ARNT: variants seen among roughly 807,000 people sequenced by gnomAD.
ARNT encodes aryl hydrocarbon receptor nuclear translocator.
In ARNT, 30 loss-of-function variants were observed where a neutral mutation model predicts 105.0. That is an observed-to-expected ratio of 0.29 (90% CI 0.21 to 0.39). ARNT has a LOEUF of 0.39. Ranked by LOEUF, ARNT falls within the 10% of genes least tolerant of loss-of-function variation. The probability of loss-of-function intolerance (pLI) is 1.00; values close to 1 mark genes in which losing one functional copy is unlikely to be tolerated. For missense variants in ARNT, 748 were observed against 978.7 expected, an observed-to-expected ratio of 0.76 and a Z score of 3.15; for synonymous variants, 304 against 344.0, an observed-to-expected ratio of 0.88 and a Z score of 1.29.
intron 2 of ARNT, among the ~76,000 whole-genome samples, chr1:150,855,355 C>A (rs1664390748): frequency 6.6e-6 from 1 of 151,602 alleles, no homozygotes; most frequent in African/African-American, 2.4e-5. Context: ...GAGATGGAGA[C>A]CATCCTGGCT....
At chr1:150,860,653 C>G (rs192320711) in intron 1 of ARNT, among the ~76,000 whole-genome samples, 1 of 151,984 alleles carries the variant, frequency 6.6e-6, no homozygotes, top group East Asian at 2.0e-4. Flanking sequence ...GTCAGCAGTT[C>G]GAGACCAGCC....
chr1:150,871,445 C>A (rs1003185954), intron 1 of ARNT, among the ~76,000 whole-genome samples: 6 of 150,686 alleles, frequency 4.0e-5, no homozygotes, highest in African/African-American at 1.5e-4. Context: ...GGATTACAGG[C>A]ACCTGCCACC....
Position 150,832,377 on chromosome 1 carries a change from G to A in ARNT, c.826C>T (p.Pro276Ser). The A allele has an allele frequency of 1.2e-6, 2 of 1,613,966 alleles. No homozygotes were observed. The highest frequency in any genetic ancestry group is 1.1e-5 in the South Asian group (1 of 91,078). ...RMRCGSSSVD[P>S]VSVNRLSFVR... ...AAGCTCAGCCTATTCACAGAAACTG[G>A]GTCCACAGAGCTACTGCCACACCTG... Residue 276 changes from proline to serine, a missense_variant, in exon 9 of 22, where the codon CCA becomes TCA. Coordinates refer to ENST00000358595, the MANE Select transcript of ARNT (RefSeq NM_001668.4).
chr1:150,845,763 G>A (rs914708258), intron 4 of ARNT, among the ~76,000 whole-genome samples: 1 of 151,812 alleles, frequency 6.6e-6, no homozygotes. Flanking sequence ...TTAGCTGGGC[G>A]TGGTGGCAGG....
rs587755402 is a variant in ARNT at position 150,810,066 on chromosome 1, C to T, written c.*1955G>A. The T allele has an allele frequency of 1.7e-5, 4 of 229,350 alleles. No homozygotes were observed. Among genetic ancestry groups the T allele is most frequent in the South Asian group, 1.8e-4 (1 of 5,474 alleles). The allele number at this position is 229,350 out of a possible 1,614,324, so 14.2% of individuals were successfully genotyped here. A position where few individuals can be genotyped will look rare whatever the true frequency, so the allele number is the denominator to read the frequency against. Reference sequence around the variant, plus strand: ...ATGAACTGGAAAGGAATGATAAAGCCGCAATCAAGATCACACAACACAAGA... The same window carrying T: ...ATGAACTGGAAAGGAATGATAAAGCTGCAATCAAGATCACACAACACAAGA... On this transcript the variant is annotated 3_prime_UTR_variant, in exon 22 of 22. Transcript: ENST00000358595.
rs1307512762 is a variant in ARNT, at chr1:150,817,422, T to C, written c.1517A>G (p.Gln506Arg). 5.0e-6 allele frequency: 8 copies of C among 1,614,070 alleles called. No individual in the cohort carries two copies. Among genetic ancestry groups the C allele is most frequent in the Non-Finnish European group, 6.8e-6 (8 of 1,180,032 alleles). Residue 506 changes from glutamine (Q) to arginine (R), a missense_variant, in exon 16 of 22, where the codon CAG becomes CGG. Transcript: ENST00000358595. ...SGQLAPRQQQ[Q>R]QTELDMVPGR... ...TGGTACCATGTCCAATTCTGTTTGCTGTTGCTGCTGCCTATATGTCAAAGG... is the reference window on the plus strand; with the variant it reads ...TGGTACCATGTCCAATTCTGTTTGCCGTTGCTGCTGCCTATATGTCAAAGG...
chr1:150,820,596 G>A (rs1400830314), intron 14 of ARNT, among the ~76,000 whole-genome samples: 1 of 152,168 alleles, frequency 6.6e-6, no homozygotes, highest in Non-Finnish European at 1.5e-5. Flanking sequence ...GGTTCAAGCT[G>A]CAGTGAGCCA....
At chr1:150,841,167 T>G (rs1288063372) in intron 5 of ARNT, among the ~76,000 whole-genome samples, 1 of 151,004 alleles carries the variant, frequency 6.6e-6, no homozygotes. Context: ...GGCCAGGATA[T>G]TCTCCATCTC....
At chr1:150,822,359 T>C (rs1011099858) in intron 14 of ARNT, among the ~76,000 whole-genome samples, 11 of 152,098 alleles carry the variant, frequency 7.2e-5, no homozygotes, top group African/African-American at 2.7e-4. Flanking sequence ...CAAGGTAAAA[T>C]TAGAGGGCTG....
At chr1:150,856,213 G>GCA (rs1664579655) in intron 2 of ARNT, among the ~76,000 whole-genome samples, 1 of 152,168 alleles carries the variant, frequency 6.6e-6, no homozygotes, top group African/African-American at 2.4e-5. Flanking sequence ...GCCAAGGCGG[G>GCA]TGGATCACGA....
intron 2 of ARNT, chr1:150,853,160 A>C (rs1355105428): frequency 6.4e-6 from 2 of 310,518 alleles, no homozygotes; most frequent in Non-Finnish European, 1.3e-5. Context: ...GGGTGCCTGT[A>C]ATCTCAGCTA....
chr1:150,836,342 AC>A lies in ARNT; in HGVS notation c.637del (p.Val213CysfsTer20). 6.2e-7 allele frequency: 1 copy of A among 1,614,140 alleles called. No homozygotes were observed. The highest frequency in any genetic ancestry group is 8.5e-7 in the Non-Finnish European group (1 of 1,180,024). ...AAGTTTATCCACATCATCTGGGTGCACCTGATCATAGAGTGTGCTGCCAAAC... is the reference window on the plus strand; with the variant it reads ...AAGTTTATCCACATCATCTGGGTGCACTGATCATAGAGTGTGCTGCCAAAC... Reference protein sequence around the residue: ...EWFGSTLYDQVHPDDVDKLRE... With the variant: ...EWFGSTLYDQXHPDDVDKLRE... On this transcript the variant is annotated frameshift_variant, in exon 7 of 22. Coordinates refer to ENST00000358595, the MANE Select transcript of ARNT (RefSeq NM_001668.4). LOFTEE classifies it high-confidence loss of function.
chr1:150,830,771 T>C (rs587644644), intron 10 of ARNT, among the ~76,000 whole-genome samples: 103 of 152,352 alleles, frequency 6.8e-4, no homozygotes, highest in Middle Eastern at 3.4e-3. Flanking sequence ...GGAAGAAGAC[T>C]GCATTTCTCC....
rs1021178602 is a variant in ARNT at position 150,872,829 on chromosome 1, G to A, written c.25+3714C>T. ...AATTTAAAATTAGCCAGCCACGGTG[G>A]TGCACACCTGTGGTCCCACCTACTC... On this transcript the variant is annotated intron_variant, in intron 1 of 21. Transcript: ENST00000358595. Among the ~76,000 whole-genome samples, 3 of 152,028 alleles carry A rather than the reference G, an allele frequency of 2.0e-5. No homozygotes were observed. In the East Asian group the frequency reaches 5.8e-4, roughly 29 times the overall value.
At chr1:150,830,644 C>T (rs1466267898) in intron 10 of ARNT, among the ~76,000 whole-genome samples, 2 of 152,142 alleles carry the variant, frequency 1.3e-5, no homozygotes, top group Non-Finnish European at 2.9e-5. Flanking sequence ...AAAATTTATG[C>T]TTTGCCTAAT....
In ARNT at chr1:150,811,458, G is replaced by GCACACACACA. The variant is rs58630631; in HGVS notation, c.*553_*562dup. On this transcript the variant is annotated 3_prime_UTR_variant, in exon 22 of 22. Transcript: ENST00000358595. ...GAGTGAAATACAGAAGCATGTGTGC[G>GCACACACACA]CACACACACACACACACACATACAC... The GCACACACACA allele has an allele frequency of 0.021, 4,731 of 228,918 alleles. 53 individuals carry two copies. Among genetic ancestry groups the GCACACACACA allele is most frequent in the Non-Finnish European group, 0.03 (3,515 of 115,748 alleles). The allele number at this position is 228,918 out of a possible 1,614,324, so 14.2% of individuals were successfully genotyped here. A position where few individuals can be genotyped will look rare whatever the true frequency, so the allele number is the denominator to read the frequency against.
intron 1 of ARNT, among the ~76,000 whole-genome samples, chr1:150,868,373 A>C (rs1023989839): frequency 6.6e-6 from 1 of 152,254 alleles, no homozygotes; most frequent in Non-Finnish European, 1.5e-5. Context: ...GAACAAGAGA[A>C]AGAAACAAGC....
intron 19 of ARNT, among the ~76,000 whole-genome samples, chr1:150,814,474 A>G (rs1655413603): frequency 6.6e-6 from 1 of 152,242 alleles, no homozygotes; most frequent in Non-Finnish European, 1.5e-5. Context: ...AAAAATTGTA[A>G]GAATTAAATG....
At chr1:150,848,467 A>G (rs1442751703) in intron 3 of ARNT, among the ~76,000 whole-genome samples, 1 of 152,118 alleles carries the variant, frequency 6.6e-6, no homozygotes, top group Non-Finnish European at 1.5e-5. Context: ...AAAAAAAAAA[A>G]AGGAGTTCTG....
Sources: allele counts gnomAD v4.1 joint callset (sites outside exome capture counted in the v4.1 genomes callset), GRCh38; gene constraint gnomAD v4.1.1; transcripts MANE v1.5; gene names NCBI Gene and HGNC (gene_info 2026-07-23, HGNC 2026-07-21).